ATP10A: variants seen among roughly 807,000 people sequenced by gnomAD.
ATP10A encodes the protein phospholipid-transporting ATPase VA.
In ATP10A, 111 loss-of-function variants were observed where a neutral mutation model predicts 147.8. That is an observed-to-expected ratio of 0.75 (90% CI 0.64 to 0.88). The LOEUF is 0.88. Ranked by LOEUF, ATP10A falls within the 40% of genes least tolerant of loss-of-function variation. The pLI is 0.00. For missense variants in ATP10A, 1,927 were observed against 1,959.0 expected (o/e 0.98, Z 0.31); for synonymous variants, 875 against 841.6 (o/e 1.04, Z -0.69).
chr15:25,706,423 A>G (rs1020441067), intron 12 of ATP10A, among the ~76,000 whole-genome samples: 2 of 152,162 alleles, frequency 1.3e-5, no homozygotes, highest in African/African-American at 2.4e-5. Flanking sequence ...TCACCCTCAC[A>G]AGAGCCCAAA....
intron 16 of ATP10A, among the ~76,000 whole-genome samples, 193 bp downstream of exon 16, chr15:25,687,510 C>T (rs1853922285): frequency 6.6e-6 from 1 of 151,826 alleles, no homozygotes; most frequent in Admixed American, 6.5e-5. Flanking sequence ...TGCTCTCATG[C>T]CCCTGAATTA....
intron 2 of ATP10A, among the ~76,000 whole-genome samples, chr15:25,755,886 A>C (rs1888381621): frequency 6.6e-6 from 1 of 152,262 alleles, no homozygotes; most frequent in Admixed American, 6.5e-5. Flanking sequence ...AGAAATTTAC[A>C]TCTATAAAGG....
intron 1 of ATP10A, among the ~76,000 whole-genome samples, chr15:25,831,241 C>T (rs1293219713): frequency 6.7e-6 from 1 of 149,754 alleles, no homozygotes. Context: ...GGGGCTCCAC[C>T]CCGTATGAGA....
intron 6 of ATP10A, 70 bp downstream of exon 6, chr15:25,723,821 C>A: frequency 2.2e-6 from 3 of 1,334,846 alleles, no homozygotes; most frequent in Non-Finnish European, 2.0e-6. Flanking sequence ...AAATTCTGAA[C>A]AGAGTATGAT....
intron 1 of ATP10A, among the ~76,000 whole-genome samples, chr15:25,843,731 C>T (rs1002424131): frequency 6.6e-6 from 1 of 152,154 alleles, no homozygotes; most frequent in African/African-American, 2.4e-5. Flanking sequence ...AGACGCACGG[C>T]TGCCACAGGG....
chr15:25,840,390 T>C (rs573925913), intron 1 of ATP10A, among the ~76,000 whole-genome samples: 1 of 152,298 alleles, frequency 6.6e-6, no homozygotes, highest in South Asian at 2.1e-4. Flanking sequence ...TGTTCCCTTC[T>C]TTCTGTTCAT....
chr15:25,738,732 G>A (rs1471374444), intron 2 of ATP10A: 1 of 152,210 alleles, frequency 6.6e-6, no homozygotes, highest in African/African-American at 2.4e-5. Flanking sequence ...AGTAATTCGT[G>A]AGGGCACTGC....
At chr15:25,675,696 A>C (rs944198001), downstream of ATP10A, among the ~76,000 whole-genome samples, 73 of 152,348 alleles carry the variant, frequency 4.8e-4, 1 homozygote, top group African/African-American at 1.6e-3. Context: ...CTGTAACCCC[A>C]GCACTTTGGG....
chr15:25,688,823 T>C (rs1899845965), intron 15 of ATP10A, among the ~76,000 whole-genome samples: 2 of 152,208 alleles, frequency 1.3e-5, no homozygotes, highest in Non-Finnish European at 2.9e-5. Context: ...TCAAAGCAAA[T>C]GTCCCTCTAC....
chr15:25,704,432 G>C (rs1262370820), intron 12 of ATP10A, among the ~76,000 whole-genome samples: 6 of 152,184 alleles, frequency 3.9e-5, no homozygotes, highest in Admixed American at 2.0e-4. Context: ...GAGCTGCTGA[G>C]CTAAAGTCCC....
At chr15:25,694,748 T>G in intron 14 of ATP10A, 71 bp downstream of exon 14, 1 of 1,333,996 alleles carries the variant, frequency 7.5e-7, no homozygotes, top group South Asian at 1.4e-5. Context: ...CATCTCGTGG[T>G]GTAGCATGGA....
intron 5 of ATP10A, among the ~76,000 whole-genome samples, chr15:25,724,587 G>A (rs1046479438): frequency 6.6e-6 from 1 of 152,158 alleles, no homozygotes; most frequent in Non-Finnish European, 1.5e-5. Context: ...CACCCACTTG[G>A]TGTAGCCCTA....
chr15:25,698,109 C>T (rs1900451431), intron 13 of ATP10A, among the ~76,000 whole-genome samples: 2 of 152,208 alleles, frequency 1.3e-5, no homozygotes, highest in East Asian at 3.9e-4. Context: ...AAAAAAAGGA[C>T]ACTAGGTAAA....
chr15:25,755,969 C>A (rs574361736), intron 2 of ATP10A, among the ~76,000 whole-genome samples: 1 of 152,220 alleles, frequency 6.6e-6, no homozygotes, highest in East Asian at 1.9e-4. Flanking sequence ...GGAAAAACAT[C>A]GGTTCAACCT....
At chr15:25,770,632 C>T (rs1029831510) in intron 2 of ATP10A, among the ~76,000 whole-genome samples, 5 of 152,132 alleles carry the variant, frequency 3.3e-5, no homozygotes, top group Admixed American at 1.3e-4. Context: ...AATCTCAGGA[C>T]CCCCAAACTT....
At chr15:25,775,481 G>A (rs1015918572) in intron 2 of ATP10A, among the ~76,000 whole-genome samples, 24 of 152,290 alleles carry the variant, frequency 1.6e-4, no homozygotes, top group African/African-American at 4.8e-4. Flanking sequence ...CATCACTGCT[G>A]ACCTGACTGT....
chr15:25,750,955 A>G (rs1011441348), intron 2 of ATP10A, among the ~76,000 whole-genome samples: 3 of 152,094 alleles, frequency 2.0e-5, no homozygotes, highest in Non-Finnish European at 4.4e-5. Context: ...AAGATGGGAA[A>G]ACAACTAGCA....
At chr15:25,857,653 G>A (rs1169810153) in intron 1 of ATP10A, among the ~76,000 whole-genome samples, 1 of 152,092 alleles carries the variant, frequency 6.6e-6, no homozygotes, top group African/African-American at 2.4e-5. Context: ...TGTTGAAACT[G>A]GACAATGGTA....
chr15:25,795,639 A>T (rs988283090), intron 1 of ATP10A, among the ~76,000 whole-genome samples: 1 of 152,206 alleles, frequency 6.6e-6, no homozygotes, highest in Non-Finnish European at 1.5e-5. Flanking sequence ...TAGCACTAAG[A>T]CATCTGTCTG....
Sources: allele counts gnomAD v4.1 joint callset (sites outside exome capture counted in the v4.1 genomes callset), GRCh38; gene constraint gnomAD v4.1.1; transcripts MANE v1.5; gene names NCBI Gene and HGNC (gene_info 2026-07-23, HGNC 2026-07-21).